TRIM55: variants seen among roughly 807,000 people sequenced by gnomAD.
TRIM55 encodes tripartite motif containing 55, also known as tripartite motif-containing protein 55.
TRIM55 carries 50 observed loss-of-function variants against 60.9 expected under a neutral mutation model. The observed-to-expected ratio is 0.82, with a 90% confidence interval of 0.65 to 1.04. TRIM55 has a LOEUF of 1.04. Among genes scored for constraint, TRIM55 ranks in the 50% least tolerant of loss-of-function variants. The pLI is 0.00. For missense variants in TRIM55, 681 were observed against 666.9 expected (o/e 1.02, Z -0.23); for synonymous variants, 237 against 238.1 (o/e 1.00, Z 0.04).
At chr8:66,145,823 G>T (rs1346038341) in intron 4 of TRIM55, among the ~76,000 whole-genome samples, 1 of 152,136 alleles carries the variant, frequency 6.6e-6, no homozygotes, top group African/African-American at 2.4e-5. Context: ...TTTGTTAAAA[G>T]GCATATATTC....
intron 2 of TRIM55, among the ~76,000 whole-genome samples, chr8:66,128,977 G>T (rs1034433410): frequency 6.6e-6 from 1 of 152,108 alleles, no homozygotes; most frequent in Non-Finnish European, 1.5e-5. Flanking sequence ...CTCTAACATA[G>T]GTTGTCACTG....
chr8:66,132,390 G>A (rs189098387), intron 2 of TRIM55, among the ~76,000 whole-genome samples: 10 of 152,312 alleles, frequency 6.6e-5, no homozygotes, highest in Admixed American at 6.5e-4. Flanking sequence ...GAAGGTGGAG[G>A]TTGCGGTGAG....
intron 2 of TRIM55, among the ~76,000 whole-genome samples, chr8:66,131,261 C>A (rs1021366078): frequency 1.3e-5 from 2 of 152,098 alleles, no homozygotes; most frequent in African/African-American, 4.8e-5. Context: ...ACATACACAA[C>A]TTTTAGAATT....
intron 2 of TRIM55, among the ~76,000 whole-genome samples, chr8:66,131,038 G>A (rs1357579949): frequency 6.6e-6 from 1 of 151,880 alleles, no homozygotes; most frequent in African/African-American, 2.4e-5. Flanking sequence ...GTAAGAGAAG[G>A]TACTATTTTG....
chr8:66,168,570 G>T (rs981696366), intron 9 of TRIM55, among the ~76,000 whole-genome samples: 1 of 152,234 alleles, frequency 6.6e-6, no homozygotes, highest in Non-Finnish European at 1.5e-5. Context: ...CTTAAGTCTA[G>T]CCGTACCCCT....
chr8:66,160,381 G>GTGTGTGTGTT (rs1177359632), intron 9 of TRIM55, among the ~76,000 whole-genome samples: 1 of 151,888 alleles, frequency 6.6e-6, no homozygotes, highest in Non-Finnish European at 1.5e-5. Context: ...GTGTGTGTGT[G>GTGTGTGTGTT]TGTGTATCAC....
upstream of TRIM55, among the ~76,000 whole-genome samples, chr8:66,125,175 T>TGCA (rs1171408582): frequency 1.3e-5 from 2 of 152,268 alleles, no homozygotes; most frequent in African/African-American, 4.8e-5. Flanking sequence ...TGGAGAAAGA[T>TGCA]GCAGGCCTGC....
intron 4 of TRIM55, among the ~76,000 whole-genome samples, chr8:66,142,938 T>G (rs1212723271): frequency 2.6e-5 from 4 of 152,248 alleles, no homozygotes; most frequent in Non-Finnish European, 5.9e-5. Flanking sequence ...TGGAAGGAAC[T>G]TCTTACTTTA....
chr8:66,142,698 G>A (rs1048476903), intron 4 of TRIM55, among the ~76,000 whole-genome samples: 13 of 152,180 alleles, frequency 8.5e-5, no homozygotes, highest in East Asian at 1.9e-4. Flanking sequence ...GTAGAAAAGA[G>A]CCTGAGTTTG....
chr8:66,138,886 C>T (rs972325035), intron 4 of TRIM55, among the ~76,000 whole-genome samples: 1 of 152,186 alleles, frequency 6.6e-6, no homozygotes, highest in Non-Finnish European at 1.5e-5. Flanking sequence ...ATTATTTTAT[C>T]ATTAGAAAGG....
At chr8:66,152,714 A>G in intron 8 of TRIM55, 87 bp downstream of exon 8, 1 of 1,493,946 alleles carries the variant, frequency 6.7e-7, no homozygotes, top group South Asian at 1.3e-5. Flanking sequence ...TTCTGCCTTA[A>G]GAAAAAGATA....
At chr8:66,132,804 CCTAAA>C (rs55921230) in intron 2 of TRIM55, among the ~76,000 whole-genome samples, 10,238 of 152,128 alleles carry the variant, frequency 0.067, 516 homozygotes, top group African/African-American at 0.14. Context: ...TGGGCTACAA[CCTAAA>C]TAAGAAAAAC....
At chr8:66,118,293 GGAGT>G in the TRIM55 span, among the ~76,000 whole-genome samples, 74 of 150,926 alleles carry the variant, frequency 4.9e-4, 1 homozygote, top group South Asian at 0.016. Flanking sequence ...ATTTGAAGAA[GGAGT>G]GATTATCAAA....
At chr8:66,139,511 C>T (rs539829160) in intron 4 of TRIM55, among the ~76,000 whole-genome samples, 4 of 152,014 alleles carry the variant, frequency 2.6e-5, no homozygotes, top group African/African-American at 7.3e-5. Flanking sequence ...TTTTATTCAC[C>T]GAAATGACAA....
upstream of TRIM55, among the ~76,000 whole-genome samples, chr8:66,125,913 C>T (rs868070880): frequency 3.3e-5 from 5 of 152,050 alleles, no homozygotes; most frequent in South Asian, 2.1e-4. Context: ...GAAAGAAAGC[C>T]GAAATTTATC....
chr8:66,135,880 A>G (rs1159078504), intron 3 of TRIM55, among the ~76,000 whole-genome samples: 1 of 152,196 alleles, frequency 6.6e-6, no homozygotes, highest in Admixed American at 6.5e-5. Context: ...TGGTACAGAT[A>G]AAAGTGGAGT....
chr8:66,162,666 G>T (rs1232857493), intron 9 of TRIM55, among the ~76,000 whole-genome samples: 1 of 151,538 alleles, frequency 6.6e-6, no homozygotes, highest in African/African-American at 2.4e-5. Flanking sequence ...TTTTTTGTTG[G>T]CAATGTTTTT....
chr8:66,128,341 C>T lies in TRIM55; in HGVS notation c.206C>T (p.Thr69Ile). Residue 69 changes from threonine (T) to isoleucine (I), a missense_variant, in exon 2 of 10, where the codon ACC becomes ATC. Transcript: ENST00000315962. ...TATTTGCCCACAAGAGGAGGTACCA[C>T]CATGGCATCAGGGGGCCGATTCCGC... is the stretch of plus-strand genomic sequence containing the variant. The part of the protein sequence containing the change: ...NPYLPTRGGT[T>I]MASGGRFRCP... 1 of 1,613,058 alleles carries T rather than the reference C, an allele frequency of 6.2e-7. No homozygotes were observed.
chr8:66,149,094 ACT>A (rs1293565005), intron 4 of TRIM55, among the ~76,000 whole-genome samples: 1 of 152,138 alleles, frequency 6.6e-6, no homozygotes, highest in East Asian at 1.9e-4. Context: ...TTAGAACTGT[ACT>A]CTGAGAAAAT....
Sources: gnomAD v4.1 joint callset for allele counts (sites outside exome capture counted in the v4.1 genomes callset) on GRCh38, gnomAD v4.1.1 for gene constraint, MANE v1.5 for transcripts, NCBI Gene and HGNC (gene_info 2026-07-23, HGNC 2026-07-21) for gene names.